ZNF23: variants seen among roughly 807,000 people sequenced by gnomAD.
The protein encoded by ZNF23 is zinc finger protein 23, also known as kruppel-like zinc finger factor X31.
A neutral mutation model predicts 56.2 loss-of-function variants in ZNF23; 48 were observed. The observed-to-expected ratio is 0.85, with a 90% CI of 0.68 to 1.09. The LOEUF (loss-of-function observed/expected upper bound fraction) is 1.09, where lower values mean the gene tolerates loss of function less well. Among genes scored for constraint, ZNF23 ranks in the 50% least tolerant of loss-of-function variants. The probability of loss-of-function intolerance (pLI) is 0.00; values close to 1 mark genes in which losing one functional copy is unlikely to be tolerated. For missense variants in ZNF23, 805 were observed against 811.4 expected, an observed-to-expected ratio of 0.99 and a Z score of 0.10; for synonymous variants, 266 against 283.3, an observed-to-expected ratio of 0.94 and a Z score of 0.61.
intron 1 of ZNF23, among the ~76,000 whole-genome samples, chr16:71,460,699 A>C (rs1407190543): frequency 6.6e-6 from 1 of 152,246 alleles, no homozygotes; most frequent in African/African-American, 2.4e-5. Flanking sequence ...GAAGATACTA[A>C]TTAGTATATT....
Position 71,449,638 on chromosome 16 carries a change from A to C in ZNF23, c.516T>G (p.Tyr172Ter). 1 of 1,613,946 alleles carries C rather than the reference A, an allele frequency of 6.2e-7. No homozygotes were observed. The highest frequency in any genetic ancestry group is 8.5e-7 in the Non-Finnish European group (1 of 1,180,006). ...ECFFSQSSNS[Y>*]QCHTITGEQP... is the part of the protein sequence containing the mutation. ...GCTCTCCAGTGATGGTATGACACTG[A>C]TATGAGTTTGAACTTTGACTAAAAA... Residue 172 changes from tyrosine (Y) to a stop codon, truncating the protein, a stop_gained, in exon 5 of 5, where the codon TAT becomes TAG. Coordinates refer to ENST00000647773, the MANE Select transcript of ZNF23 (RefSeq NM_001381984.1). LOFTEE classifies it high-confidence loss of function.
chr16:71,449,676 C>G lies in ZNF23; in HGVS notation c.478G>C (p.Val160Leu). Residue 160 changes from valine (V) to leucine (L), a missense_variant, in exon 5 of 5, where the codon GTG becomes CTG. By Grantham distance (32) the Val-to-Leu change is conservative (BLOSUM62 1). Transcript: ENST00000647773. ...DGTVKDETSPVEECFFSQSSN... is the reference protein window; with the variant it reads ...DGTVKDETSPLEECFFSQSSN... Reference sequence around the variant, plus strand: ...CTTTGACTAAAAAAACACTCCTCCACGGGGCTTGTCTCATCTTTCACTGTT... The same window carrying G: ...CTTTGACTAAAAAAACACTCCTCCAGGGGGCTTGTCTCATCTTTCACTGTT... 1 of 1,613,708 alleles carries G rather than the reference C, an allele frequency of 6.2e-7. No individual in the cohort carries two copies. The highest frequency in any genetic ancestry group is 1.1e-5 in the South Asian group (1 of 91,068).
rs892648630 is a variant in ZNF23 at position 71,447,937 on chromosome 16, A to G, written c.*156T>C. ...TTTGGATGTTTCTCTTTAACTGGTC[A>G]TCCTTTCCTGATTTAAACTGAATAG... On this transcript the variant is annotated 3_prime_UTR_variant, in exon 5 of 5. Coordinates refer to ENST00000647773, the MANE Select transcript of ZNF23 (RefSeq NM_001381984.1). 23 of 516,392 alleles carry G rather than the reference A, an allele frequency of 4.5e-5. No individual in the cohort carries two copies. The highest frequency in any genetic ancestry group is 7.1e-5 in the Non-Finnish European group (22 of 309,152). The allele number at this position is 516,392 out of a possible 1,614,324, so 32.0% of individuals were successfully genotyped here.
At chr16:71,454,276 A>C in intron 2 of ZNF23, 108 bp from the exon 3 acceptor site, 7 of 1,396,706 alleles carry the variant, frequency 5.0e-6, no homozygotes, top group Non-Finnish European at 6.6e-6. Flanking sequence ...TGAGAGCACA[A>C]AATTAGTATT....
chr16:71,459,075 G>A (rs1046286439), intron 1 of ZNF23, among the ~76,000 whole-genome samples: 4 of 152,186 alleles, frequency 2.6e-5, no homozygotes, highest in African/African-American at 9.7e-5. Context: ...CCCATCCTCA[G>A]TCCAGTTCTA....
At position 71,449,891 on chromosome 16, in the gene ZNF23, A is replaced by T. The variant is rs746184890; in HGVS notation, c.269-6T>A. On this transcript the variant is annotated splice_polypyrimidine_tract_variant and splice_region_variant and intron_variant, in intron 4 of 4. Transcript: ENST00000647773. ...ATTGTCAGTCTGAATATCTACTATAAAAAACAGAAAACATAAAATGTCATG... is the reference window on the plus strand; with the variant it reads ...ATTGTCAGTCTGAATATCTACTATATAAAACAGAAAACATAAAATGTCATG... 5 of 1,568,834 alleles carry T rather than the reference A, an allele frequency of 3.2e-6. No individual in the cohort carries two copies.
At chr16:71,450,018 T>C in intron 4 of ZNF23, 133 bp from the exon 5 acceptor site, 1 of 644,822 alleles carries the variant, frequency 1.6e-6, no homozygotes, top group Admixed American at 3.5e-5. Context: ...ACATAGGGTT[T>C]CTCCATAAGG....
chr16:71,454,129 G>C lies in ZNF23; in HGVS notation c.73C>G (p.Gln25Glu), dbSNP rs780738131. Reference sequence around the variant, plus strand: ...GGGGACAGGCCATCCCATTCCGCCTGGGTGAAGTACACAGCCACGTCCTCA... The same window carrying C: ...GGGGACAGGCCATCCCATTCCGCCTCGGTGAAGTACACAGCCACGTCCTCA... ...TFEDVAVYFT[Q>E]AEWDGLSPAQ... The change falls in exon 3 of 5, where the codon CAG (glutamine) becomes GAG (glutamate). Residue 25 changes from glutamine to glutamate, a missense_variant. Transcript: ENST00000647773. 5 of 1,613,908 alleles carry C rather than the reference G, an allele frequency of 3.1e-6. No individual in the cohort carries two copies. In the South Asian group the frequency reaches 4.4e-5, roughly 14 times the overall value.
chr16:71,452,527 C>T (rs1310492627), intron 4 of ZNF23: 5 of 152,222 alleles, frequency 3.3e-5, no homozygotes, highest in Admixed American at 3.3e-4. Flanking sequence ...GCAGACTCCA[C>T]ACTTACTGCA....
chr16:71,453,758 G>A, intron 3 of ZNF23: 1 of 555,678 alleles, frequency 1.8e-6, no homozygotes, highest in Non-Finnish European at 3.2e-6. Context: ...GGCAACTGAA[G>A]ATGCCACTGT....
chr16:71,459,779 CA>C (rs1225890271), intron 1 of ZNF23, among the ~76,000 whole-genome samples: 1 of 152,182 alleles, frequency 6.6e-6, no homozygotes, highest in Non-Finnish European at 1.5e-5. Context: ...GGCTTTATTG[CA>C]TGATGGTTAT....
rs776423999 is a variant in ZNF23 at position 71,448,883 on chromosome 16, T to C, written c.1271A>G (p.Gln424Arg). Residue 424 changes from glutamine (Q) to arginine (R), a missense_variant, in exon 5 of 5, where the codon CAG becomes CGG. Transcript: ENST00000647773. ...KGFNNNTKLI[Q>R]HQRIHTGEKP... Reference sequence around the variant, plus strand: ...CTCACCTGTGTGGATTCTCTGATGCTGAATGAGTTTTGTATTATTATTGAA... The same window carrying C: ...CTCACCTGTGTGGATTCTCTGATGCCGAATGAGTTTTGTATTATTATTGAA... 2 of 1,614,200 alleles carry C rather than the reference T, an allele frequency of 1.2e-6. No individual in the cohort carries two copies. The highest frequency in any genetic ancestry group is 1.1e-5 in the South Asian group (1 of 91,076).
rs2042933226 is a variant in ZNF23 at position 71,448,620 on chromosome 16, T to G, written c.1534A>C (p.Ile512Leu). ...TCAAAAGGTTTCTCCCCAGTGTGAA[T>G]TCTCTGATGCCGCATTAGTTTCCCA... ...VNGKLMRHQR[I>L]HTGEKPFECN... Residue 512 changes from isoleucine to leucine, a missense_variant, in exon 5 of 5, where the codon ATT (isoleucine) becomes CTT (leucine). Coordinates refer to ENST00000647773, the MANE Select transcript of ZNF23 (RefSeq NM_001381984.1). 4 of 1,614,052 alleles carry G rather than the reference T, an allele frequency of 2.5e-6. No homozygotes were observed. Among genetic ancestry groups the G allele is most frequent in the Non-Finnish European group, 3.4e-6 (4 of 1,179,992 alleles).
rs941722102 is a variant in ZNF23 at position 71,448,678 on chromosome 16, C to T, written c.1476G>A (p.Glu492=). The part of the protein sequence containing the change: ...LRIHTGEKPY[E]CNECGKAFSV... ...TGAAGGCCTTTCCACACTCATTACA[C>T]TCATAGGGCTTCTCCCCAGTGTGAA... Residue 492 remains glutamate, a synonymous_variant, in exon 5 of 5, where the codon GAG becomes GAA. Transcript: ENST00000647773. 7.4e-6 allele frequency: 12 copies of T among 1,613,730 alleles called. No individual in the cohort carries two copies. The highest frequency in any genetic ancestry group is 8.5e-6 in the Non-Finnish European group (10 of 1,179,944).
At position 71,448,168 on chromosome 16, in the gene ZNF23, A is replaced by C; in HGVS notation, c.1986T>G (p.Ser662Arg). The change falls in exon 5 of 5, where the codon AGT becomes AGG. Residue 662 changes from serine to arginine, a missense_variant. Ser to Arg is a moderately radical substitution (Grantham distance 110). Coordinates refer to ENST00000647773, the MANE Select transcript of ZNF23 (RefSeq NM_001381984.1). ...TAAACCTGAATGCTTTCCCACACAC[A>C]CTACACATATAGGGTTTCTTCCAAG... ...VHTWKKPYMCSVCGKAFRFSF... is the reference protein window; with the variant it reads ...VHTWKKPYMCRVCGKAFRFSF... The C allele has an allele frequency of 6.2e-7, 1 of 1,614,168 alleles. No homozygotes were observed. Among genetic ancestry groups the C allele is most frequent in the Non-Finnish European group, 8.5e-7 (1 of 1,180,028 alleles).
intron 2 of ZNF23, among the ~76,000 whole-genome samples, chr16:71,455,093 C>T (rs2043179792): frequency 6.6e-6 from 1 of 152,220 alleles, no homozygotes; most frequent in Non-Finnish European, 1.5e-5. Context: ...TGACCTCCAC[C>T]CATCAGCAAT....
chr16:71,454,357 A>C (rs1596999654), intron 2 of ZNF23, 189 bp from the exon 3 acceptor site: 6 of 753,220 alleles, frequency 8.0e-6, no homozygotes, highest in Non-Finnish European at 9.8e-6. Context: ...ATTCTCCCAC[A>C]GCAGGGAAAC....
At position 71,447,920 on chromosome 16, in the gene ZNF23, T is replaced by G. The variant is rs1352892413; in HGVS notation, c.*173A>C. ...TACAAAACAAAGCTATTTTTGGATG[T>G]TTCTCTTTAACTGGTCATCCTTTCC... On this transcript the variant is annotated 3_prime_UTR_variant, in exon 5 of 5. Coordinates refer to ENST00000647773, the MANE Select transcript of ZNF23 (RefSeq NM_001381984.1). 1 of 474,174 alleles carries G rather than the reference T, an allele frequency of 2.1e-6. No individual in the cohort carries two copies. The highest frequency in any genetic ancestry group is 3.3e-5 in the East Asian group (1 of 30,484). 29.4% of individuals were successfully genotyped at this position (474,174 alleles called of 1,614,324 possible). A position where few individuals can be genotyped will look rare whatever the true frequency, so the allele number is the denominator to read the frequency against.
At chr16:71,457,381 G>A (rs1180035157) in intron 1 of ZNF23, among the ~76,000 whole-genome samples, 5 of 152,196 alleles carry the variant, frequency 3.3e-5, no homozygotes, top group Middle Eastern at 3.2e-3. Context: ...TGGCTAACAC[G>A]GTGAAACCCC....
Sources: gnomAD v4.1 joint callset for allele counts (sites outside exome capture counted in the v4.1 genomes callset) on GRCh38, gnomAD v4.1.1 for gene constraint, MANE v1.5 for transcripts, NCBI Gene and HGNC (gene_info 2026-07-23, HGNC 2026-07-21) for gene names.